Variants in CBLB observed in about 807,000 individuals in gnomAD.
The protein encoded by CBLB is Cbl proto-oncogene B.
CBLB carries 31 observed loss-of-function variants against 104.9 expected under a neutral mutation model. That is an observed-to-expected ratio of 0.30 (90% CI 0.22 to 0.40). The LOEUF (loss-of-function observed/expected upper bound fraction) is 0.40, where lower values mean the gene tolerates loss of function less well. Ranked by LOEUF, CBLB falls within the 10% of genes least tolerant of loss-of-function variation. CBLB has a pLI of 1.00. For missense variants in CBLB, 1,062 were observed against 1,214.6 expected (o/e 0.87, Z 1.87); for synonymous variants, 440 against 422.6 (o/e 1.04, Z -0.51).
At chr3:105,711,438 G>A (rs569373054) in intron 10 of CBLB, among the ~76,000 whole-genome samples, 1 of 152,068 alleles carries the variant, frequency 6.6e-6, no homozygotes, top group South Asian at 2.1e-4. Context: ...AAAATCAAGA[G>A]TATTTAAAAT....
chr3:105,711,404 T>C (rs1006538340), intron 10 of CBLB, among the ~76,000 whole-genome samples: 1 of 152,072 alleles, frequency 6.6e-6, no homozygotes, highest in African/African-American at 2.4e-5. Context: ...CTCAGTTTTT[T>C]CACTTTATTT....
At chr3:105,810,193 C>T (rs982329124) in intron 3 of CBLB, among the ~76,000 whole-genome samples, 40 of 152,162 alleles carry the variant, frequency 2.6e-4, no homozygotes, top group African/African-American at 8.2e-4. Flanking sequence ...GGAAATAGTG[C>T]CAATTCAAAG....
chr3:105,734,417 G>C (rs1296786618), intron 8 of CBLB, among the ~76,000 whole-genome samples: 2 of 152,028 alleles, frequency 1.3e-5, no homozygotes, highest in Non-Finnish European at 2.9e-5. Context: ...GAAGGGACTT[G>C]CTTCAATAGT....
intron 3 of CBLB, among the ~76,000 whole-genome samples, chr3:105,782,053 G>A (rs555284771): frequency 2.6e-5 from 4 of 152,214 alleles, no homozygotes; most frequent in East Asian, 1.9e-4. Flanking sequence ...TCTGACCTTA[G>A]GAATGTTGTG....
intron 3 of CBLB, among the ~76,000 whole-genome samples, chr3:105,805,487 G>C (rs907687618): frequency 3.3e-5 from 5 of 152,034 alleles, no homozygotes; most frequent in African/African-American, 1.2e-4. Flanking sequence ...TGTATGTTTA[G>C]TAGAGACGGG....
At chr3:105,670,124 T>A in intron 18 of CBLB, 109 bp downstream of exon 18, 1 of 980,184 alleles carries the variant, frequency 1.0e-6, no homozygotes, top group South Asian at 1.4e-5. Flanking sequence ...AATACTTTCT[T>A]GGGTGGACAA....
intron 7 of CBLB, among the ~76,000 whole-genome samples, chr3:105,738,780 G>C (rs1481282795): frequency 6.6e-6 from 1 of 151,880 alleles, no homozygotes; most frequent in Non-Finnish European, 1.5e-5. Flanking sequence ...TTAGAAGAAA[G>C]GTATAAATAA....
chr3:105,700,252 A>C (rs924770082), intron 12 of CBLB, among the ~76,000 whole-genome samples: 1 of 152,204 alleles, frequency 6.6e-6, no homozygotes, highest in Non-Finnish European at 1.5e-5. Context: ...GGGCAAATTT[A>C]TAATAGCATT....
intron 18 of CBLB, among the ~76,000 whole-genome samples, chr3:105,660,746 A>G (rs1202505563): frequency 6.6e-6 from 1 of 152,194 alleles, no homozygotes; most frequent in Admixed American, 6.5e-5. Flanking sequence ...CTGTAAGCTG[A>G]TATTTTCAAT....
At chr3:105,683,668 T>C (rs2066612312) in intron 14 of CBLB, among the ~76,000 whole-genome samples, 1 of 152,220 alleles carries the variant, frequency 6.6e-6, no homozygotes, top group Non-Finnish European at 1.5e-5. Context: ...TAACAACTTA[T>C]ATTTGATGAG....
At chr3:105,813,088 A>G (rs1283135359) in intron 3 of CBLB, among the ~76,000 whole-genome samples, 1 of 152,170 alleles carries the variant, frequency 6.6e-6, no homozygotes, top group Non-Finnish European at 1.5e-5. Flanking sequence ...CACCTAAACT[A>G]TGGCTTAGAT....
intron 3 of CBLB, among the ~76,000 whole-genome samples, chr3:105,779,775 C>T (rs929359069): frequency 6.6e-5 from 10 of 151,794 alleles, no homozygotes; most frequent in Admixed American, 3.9e-4. Flanking sequence ...TTTTATATGA[C>T]GCTGTGACTT....
chr3:105,857,984 AG>A (rs1255798092), intron 2 of CBLB, among the ~76,000 whole-genome samples: 1 of 152,202 alleles, frequency 6.6e-6, no homozygotes, highest in African/African-American at 2.4e-5. Context: ...TAGGCAAAGG[AG>A]TGTGCTAAGG....
At chr3:105,865,174 CTAACAAA>C (rs763016466) in intron 2 of CBLB, among the ~76,000 whole-genome samples, 2 of 152,188 alleles carry the variant, frequency 1.3e-5, no homozygotes, top group Non-Finnish European at 1.5e-5. Flanking sequence ...TCCTTCACCA[CTAACAAA>C]TAAGAAAAGA....
chr3:105,666,605 G>A (rs1403597818), intron 18 of CBLB, among the ~76,000 whole-genome samples: 3 of 152,016 alleles, frequency 2.0e-5, no homozygotes, highest in Non-Finnish European at 4.4e-5. Context: ...AGAACTACTT[G>A]AACCTGGGAG....
intron 3 of CBLB, among the ~76,000 whole-genome samples, chr3:105,799,497 A>G (rs932558648): frequency 6.6e-6 from 1 of 152,158 alleles, no homozygotes; most frequent in Admixed American, 6.5e-5. Flanking sequence ...ACTGGAAAAC[A>G]CCCGCATAAC....
chr3:105,793,160 T>G lies in CBLB; in HGVS notation c.420-16618A>C, dbSNP rs181377096. On this transcript the variant is annotated intron_variant, in intron 3 of 18. Transcript: ENST00000394030. ...AGAAAGATCTTGACACAGTCTGTGG[T>G]GGGATGTTGAATGCAACATCACAGA... 2.0e-3 allele frequency among the ~76,000 whole-genome samples: 303 copies of G among 152,212 alleles called. 2 individuals carry two copies. The highest frequency in any genetic ancestry group is 7.1e-3 in the African/African-American group (294 of 41,536).
At chr3:105,669,066 A>ATCCATCCATCCC (rs1219389035) in intron 18 of CBLB, among the ~76,000 whole-genome samples, 1 of 132 alleles carries the variant, frequency 7.6e-3, no homozygotes, top group Non-Finnish European at 0.013. Context: ...GTCCACTCAA[A>ATCCATCCATCCC]TCCATCCATC....
intron 3 of CBLB, among the ~76,000 whole-genome samples, chr3:105,804,824 C>CT (rs1186488760): frequency 1.3e-5 from 2 of 151,918 alleles, no homozygotes; most frequent in Non-Finnish European, 2.9e-5. Flanking sequence ...TTTAAGGATC[C>CT]TTGAATTCAT....
Sources: allele counts gnomAD v4.1 joint callset (sites outside exome capture counted in the v4.1 genomes callset), GRCh38; gene constraint gnomAD v4.1.1; transcripts MANE v1.5; gene names NCBI Gene and HGNC (gene_info 2026-07-23, HGNC 2026-07-21).